CFH: variants seen among roughly 807,000 people sequenced by gnomAD.
CFH encodes complement factor H, also known as H factor 1 (complement).
CFH carries 53 observed loss-of-function variants against 147.3 expected under a neutral mutation model. The observed-to-expected ratio is 0.36, with a 90% CI of 0.29 to 0.45. The LOEUF is 0.45. CFH is among the 20% of genes least tolerant of loss of function. The pLI is 1.00. For missense variants in CFH, 1,380 were observed against 1,498.0 expected (o/e 0.92, Z 1.30); for synonymous variants, 536 against 489.4 (o/e 1.10, Z -1.26).
intron 9 of CFH, chr1:196,701,223 T>G (rs1249997583): frequency 1.3e-6 from 2 of 1,563,070 alleles, no homozygotes; most frequent in Non-Finnish European, 1.8e-6. Context: ...CTCTTCTTGT[T>G]TGGTCAGTCA....
At chr1:196,695,899 TG>T (rs1668247773) in intron 9 of CFH, among the ~76,000 whole-genome samples, 1 of 152,172 alleles carries the variant, frequency 6.6e-6, no homozygotes, top group Admixed American at 6.6e-5. Context: ...AAGGAGTTTC[TG>T]GGTTGAGACA....
At chr1:196,653,738 A>C (rs1666583014) in intron 1 of CFH, among the ~76,000 whole-genome samples, 1 of 151,962 alleles carries the variant, frequency 6.6e-6, no homozygotes. Flanking sequence ...GACTTGTTTC[A>C]CTTTTATTTT....
At chr1:196,682,614 C>T (rs1408918691) in intron 6 of CFH, among the ~76,000 whole-genome samples, 1 of 150,930 alleles carries the variant, frequency 6.6e-6, no homozygotes, top group Non-Finnish European at 1.5e-5. Context: ...ATTGAAGATA[C>T]ATAAACTGAA....
chr1:196,660,706 GTAATCAATATGA>G (rs1666869395), intron 1 of CFH, among the ~76,000 whole-genome samples: 1 of 152,134 alleles, frequency 6.6e-6, no homozygotes, highest in Non-Finnish European at 1.5e-5. Context: ...AAGAGAAAAG[GTAATCAATATGA>G]TAATTCTTTA....
intron 20 of CFH, among the ~76,000 whole-genome samples, chr1:196,744,373 C>T (rs35462210): frequency 1.3e-5 from 2 of 151,956 alleles, no homozygotes; most frequent in African/African-American, 2.4e-5. Context: ...TTTGTTTCTG[C>T]CTGTTTCCTC....
intron 5 of CFH, chr1:196,679,400 C>T (rs1667574723): frequency 2.5e-6 from 1 of 392,204 alleles, no homozygotes; most frequent in Non-Finnish European, 4.7e-6. Context: ...TTCAAGAAGG[C>T]TAATTTATCC....
intron 1 of CFH, among the ~76,000 whole-genome samples, chr1:196,652,777 T>C (rs1468315396): frequency 6.6e-6 from 1 of 151,888 alleles, no homozygotes; most frequent in African/African-American, 2.4e-5. Flanking sequence ...TTTTTTCCTG[T>C]AGTTGTATAT....
At chr1:196,735,551 T>A (rs900496215) in intron 15 of CFH, among the ~76,000 whole-genome samples, 1 of 152,020 alleles carries the variant, frequency 6.6e-6, no homozygotes, top group African/African-American at 2.4e-5. Flanking sequence ...TTAAAATCAA[T>A]GGGATACAGC....
rs1000307711 is a variant in CFH at position 196,656,955 on chromosome 1, T to G, written c.58+4780T>G. ...GGTTCTGGAATTTTCTTCTTGCTCT[T>G]TTCACTGTTAAGTTGTTTGTTTGTT... On this transcript the variant is annotated intron_variant, in intron 1 of 21. Coordinates refer to ENST00000367429, the MANE Select transcript of CFH (RefSeq NM_000186.4). 2.2e-4 allele frequency among the ~76,000 whole-genome samples: 34 copies of G among 152,098 alleles called. 1 individual carries two copies. Among genetic ancestry groups the G allele is most frequent in the African/African-American group, 7.5e-4 (31 of 41,428 alleles).
At chr1:196,719,543 A>G (rs1274757126) in intron 11 of CFH, among the ~76,000 whole-genome samples, 1 of 151,866 alleles carries the variant, frequency 6.6e-6, no homozygotes, top group Non-Finnish European at 1.5e-5. Context: ...TAATTTTGTA[A>G]TTGTATTTTA....
intron 1 of CFH, among the ~76,000 whole-genome samples, chr1:196,671,422 ATTGT>A (rs1339596277): frequency 1.3e-5 from 2 of 151,994 alleles, no homozygotes; most frequent in African/African-American, 4.8e-5. Context: ...CATCAACAAG[ATTGT>A]TTGCTCTTTC....
At chr1:196,687,056 A>G (rs1667853734) in intron 7 of CFH, among the ~76,000 whole-genome samples, 1 of 151,954 alleles carries the variant, frequency 6.6e-6, no homozygotes, top group Non-Finnish European at 1.5e-5. Flanking sequence ...ATTCAAAGAG[A>G]CTCTTATGTG....
chr1:196,745,527 A>C (rs1266639069), intron 20 of CFH, among the ~76,000 whole-genome samples: 1 of 152,188 alleles, frequency 6.6e-6, no homozygotes, highest in Non-Finnish European at 1.5e-5. Flanking sequence ...CCTTTGTCAT[A>C]GTTTTCTATG....
chr1:196,668,574 T>C (rs1558152387), intron 1 of CFH, among the ~76,000 whole-genome samples: 1 of 152,146 alleles, frequency 6.6e-6, no homozygotes. Flanking sequence ...GACTGGATCA[T>C]GGGGGTTGTT....
At chr1:196,739,657 T>C (rs1390998959) in intron 17 of CFH, among the ~76,000 whole-genome samples, 2 of 152,194 alleles carry the variant, frequency 1.3e-5, no homozygotes, top group Admixed American at 6.5e-5. Context: ...TTCCCACATC[T>C]TGTCTTCTGA....
At chr1:196,731,748 C>A (rs984129840) in intron 15 of CFH, among the ~76,000 whole-genome samples, 2 of 151,912 alleles carry the variant, frequency 1.3e-5, no homozygotes, top group African/African-American at 4.8e-5. Context: ...GTTTTTAAGA[C>A]AGAATAGTGG....
chr1:196,726,909 T>C lies in CFH; in HGVS notation c.2205T>C (p.His735=). ...MIGHRSITCI[H]GVWTQLPQCV... The stretch of plus-strand genomic sequence containing the variant: ...GACACAGATCAATTACGTGTATTCA[T>C]GGAGTATGGACCCAACTTCCCCAGT... The change falls in exon 14 of 22, where the codon CAT becomes CAC. Residue 735 remains histidine, a synonymous_variant. Coordinates refer to ENST00000367429, the MANE Select transcript of CFH (RefSeq NM_000186.4). 6.2e-7 allele frequency: 1 copy of C among 1,613,722 alleles called. No individual in the cohort carries two copies. The highest frequency in any genetic ancestry group is 8.5e-7 in the Non-Finnish European group (1 of 1,179,714).
chr1:196,713,992 G>C, intron 10 of CFH, 75 bp downstream of exon 10: 1 of 1,289,222 alleles, frequency 7.8e-7, no homozygotes, highest in East Asian at 2.4e-5. Flanking sequence ...CTTTTTGTGG[G>C]GGCTGATATA....
At chr1:196,701,672 G>A (rs1336848952) in intron 9 of CFH, 4 of 291,462 alleles carry the variant, frequency 1.4e-5, no homozygotes, top group Non-Finnish European at 2.6e-5. Flanking sequence ...CTCTTTGAGG[G>A]CATTTACTCA....
Sources: allele counts gnomAD v4.1 joint callset (sites outside exome capture counted in the v4.1 genomes callset), GRCh38; gene constraint gnomAD v4.1.1; transcripts MANE v1.5; gene names NCBI Gene and HGNC (gene_info 2026-07-23, HGNC 2026-07-21).